TMTC1: variants seen among roughly 807,000 people sequenced by gnomAD.
The protein encoded by TMTC1 is protein O-mannosyl-transferase TMTC1.
TMTC1 carries 73 observed loss-of-function variants against 104.8 expected under a neutral mutation model. The ratio of observed to expected loss-of-function variants is 0.70; its 90% CI spans 0.58 to 0.85. The LOEUF (loss-of-function observed/expected upper bound fraction) is 0.85. Among genes scored for constraint, TMTC1 ranks in the 40% least tolerant of loss-of-function variants. The probability of loss-of-function intolerance (pLI) is 0.00; values close to 1 mark genes in which losing one functional copy is unlikely to be tolerated. For missense variants in TMTC1, 1,035 were observed against 1,096.1 expected (o/e 0.94, Z 0.79); for synonymous variants, 434 against 428.7 (o/e 1.01, Z -0.15).
In TMTC1 at chr12:29,516,403, A is replaced by G. The variant is rs148395647; in HGVS notation, c.2253T>C (p.Leu751=). 1.2e-5 allele frequency: 19 copies of G among 1,613,920 alleles called. No individual in the cohort carries two copies. The African/African-American group carries it at 2.1e-4, about 18-fold the overall frequency. Residue 751 remains leucine (L), a synonymous_variant, in exon 15 of 18, where the codon CTT becomes CTC. Transcript: ENST00000539277. ...NHIVSEETGC[L]ECYRLLSAIY... ...TGGCTGACAAGAGGCGATAGCATTC[A>G]AGGCATCCGGTCTCCTCTGACACAA...
In TMTC1 at chr12:29,572,200, CAG is replaced by C; in HGVS notation, c.1435_1436del (p.Leu479AlafsTer69). The C allele has an allele frequency of 6.2e-7, 1 of 1,613,810 alleles. No homozygotes were observed. Among genetic ancestry groups the C allele is most frequent in the Non-Finnish European group, 8.5e-7 (1 of 1,179,766 alleles). ...ESLFRSGVQTLPHNAKVHYNY... is the reference protein window; with the variant it reads ...ESLFRSGVQTXPHNAKVHYNY... ...TGTAGTGAACCTTGGCATTGTGGGG[CAG>C]AGTTTGAACTCCAGACCTAAAATGA... On this transcript the variant is annotated frameshift_variant, in exon 9 of 18. Transcript: ENST00000539277. LOFTEE classifies it high-confidence loss of function.
At chr12:29,607,171 T>C (rs1480090710) in intron 6 of TMTC1, among the ~76,000 whole-genome samples, 1 of 152,216 alleles carries the variant, frequency 6.6e-6, no homozygotes, top group South Asian at 2.1e-4. Context: ...ACAGTCTTTA[T>C]TTCCTTCATG....
chr12:29,643,472 ATGATGGAATATAAAAAATAT>A, intron 5 of TMTC1, among the ~76,000 whole-genome samples: 1 of 117,864 alleles, frequency 8.5e-6, no homozygotes, highest in African/African-American at 3.3e-5. Context: ...GAATATATAT[ATGATGGAATATAAAAAATAT>A]TATATATTAT....
chr12:29,767,761 T>C, intron 2 of TMTC1, 137 bp downstream of exon 2: 1 of 715,232 alleles, frequency 1.4e-6, no homozygotes, highest in Non-Finnish European at 2.1e-6. Context: ...TTAGTTTACA[T>C]GTATATATCT....
At chr12:29,634,311 A>C (rs1464673958) in intron 5 of TMTC1, among the ~76,000 whole-genome samples, 2 of 152,194 alleles carry the variant, frequency 1.3e-5, no homozygotes, top group African/African-American at 2.4e-5. Flanking sequence ...TTCCTATGGA[A>C]TGTAATCATC....
In TMTC1 at chr12:29,518,532, T is replaced by C. The variant is rs1426740401; in HGVS notation, c.1964A>G (p.Asn655Ser). ...LSPSHHVAMVNLGRLYRSLGE... is the reference protein window; with the variant it reads ...LSPSHHVAMVSLGRLYRSLGE... Reference sequence around the variant, plus strand: ...CAGTGACCTGTAGAGTCTTCCCAAGTTCACCATGGCCACGTGATGACTGGG... The same window carrying C: ...CAGTGACCTGTAGAGTCTTCCCAAGCTCACCATGGCCACGTGATGACTGGG... The change falls in exon 13 of 18, where the codon AAC becomes AGC. Residue 655 changes from asparagine (N) to serine (S), a missense_variant. Physicochemically the swap from Asn to Ser is conservative, Grantham distance 46. Transcript: ENST00000539277. 6.2e-7 allele frequency: 1 copy of C among 1,614,148 alleles called. No homozygotes were observed. The highest frequency in any genetic ancestry group is 1.7e-5 in the Admixed American group (1 of 60,020).
intron 12 of TMTC1, among the ~76,000 whole-genome samples, chr12:29,518,866 A>G (rs1334044788): frequency 6.6e-6 from 1 of 152,214 alleles, no homozygotes; most frequent in East Asian, 1.9e-4. Context: ...TTAATTATAT[A>G]TATTATTTTA....
At chr12:29,626,752 A>G (rs1476364507) in intron 6 of TMTC1, among the ~76,000 whole-genome samples, 1 of 152,200 alleles carries the variant, frequency 6.6e-6, no homozygotes, top group Admixed American at 6.5e-5. Flanking sequence ...TTTAGATTTG[A>G]CAATAAGAGC....
chr12:29,520,976 T>C (rs780009211), intron 11 of TMTC1: 1 of 412,674 alleles, frequency 2.4e-6, no homozygotes, highest in Non-Finnish European at 4.4e-6. Context: ...AATGGGACCT[T>C]TGGAAGGATA....
intron 2 of TMTC1, among the ~76,000 whole-genome samples, 197 bp downstream of exon 2, chr12:29,767,701 C>T (rs1443182393): frequency 1.8e-4 from 23 of 125,952 alleles, no homozygotes; most frequent in Non-Finnish European, 1.0e-4. Context: ...TAAACATAAA[C>T]ACTTTAATAG....
Position 29,693,272 on chromosome 12 carries a change from T to A in TMTC1, c.938+58394A>T, listed in dbSNP as rs530066335. ...ATAATAATTATACATATTTATGAGG[T>A]ACAGAGGGATATTTAAATACATACA... On this transcript the variant is annotated intron_variant, in intron 5 of 17. Coordinates refer to ENST00000539277, the MANE Select transcript of TMTC1 (RefSeq NM_001193451.2). Among the ~76,000 whole-genome samples the A allele has an allele frequency of 1.7e-3, 249 of 144,960 alleles. 31 individuals carry two copies. The highest frequency in any genetic ancestry group is 6.1e-3 in the African/African-American group (241 of 39,734).
chr12:29,526,678 G>A (rs770322080), intron 11 of TMTC1, among the ~76,000 whole-genome samples: 1 of 152,038 alleles, frequency 6.6e-6, no homozygotes, highest in Non-Finnish European at 1.5e-5. Context: ...TTGAAGATAC[G>A]CCATTCTAGG....
chr12:29,663,557 C>G (rs891741893), intron 5 of TMTC1, among the ~76,000 whole-genome samples: 2 of 151,884 alleles, frequency 1.3e-5, no homozygotes, highest in African/African-American at 4.8e-5. Context: ...ACTCTTGTCG[C>G]CCAGGCTAGA....
intron 5 of TMTC1, among the ~76,000 whole-genome samples, chr12:29,663,943 T>C (rs926087854): frequency 2.6e-5 from 4 of 152,140 alleles, no homozygotes; most frequent in East Asian, 1.9e-4. Context: ...CCAAATAATT[T>C]ATTGTTAAAA....
intron 5 of TMTC1, among the ~76,000 whole-genome samples, chr12:29,724,131 C>T (rs1293628623): frequency 6.6e-6 from 1 of 151,984 alleles, no homozygotes; most frequent in East Asian, 1.9e-4. Context: ...CCCAAGTGGC[C>T]AATAATAATC....
Position 29,750,062 on chromosome 12 carries a change from T to TACACACACACACACAC in TMTC1, c.938+1588_938+1603dup, listed in dbSNP as rs34859060. On this transcript the variant is annotated intron_variant, in intron 5 of 17. Coordinates refer to ENST00000539277, the MANE Select transcript of TMTC1 (RefSeq NM_001193451.2). ...AAAGAAATGTTATCATAACTGTCTA[T>TACACACACACACACAC]ACACACACACACACACACACACACA... is the stretch of plus-strand genomic sequence containing the variant. Among the ~76,000 whole-genome samples, 11 of 146,648 alleles carry TACACACACACACACAC rather than the reference T, an allele frequency of 7.5e-5. No homozygotes were observed. The South Asian group carries it at 1.1e-3, about 15-fold the overall frequency.
chr12:29,746,739 G>GT (rs964997375), intron 5 of TMTC1, among the ~76,000 whole-genome samples: 4 of 151,992 alleles, frequency 2.6e-5, no homozygotes, highest in African/African-American at 4.8e-5. Context: ...ACTTGTTTTA[G>GT]TTTTTTTATT....
rs1409876568 is a variant in TMTC1, at chr12:29,768,057, A to G, written c.321T>C (p.Thr107=). 6.3e-6 allele frequency: 10 copies of G among 1,599,458 alleles called. No homozygotes were observed. The highest frequency in any genetic ancestry group is 8.5e-6 in the Non-Finnish European group (10 of 1,173,470). Residue 107 remains threonine (T), a synonymous_variant, in exon 2 of 18, where the codon ACT becomes ACC. Transcript: ENST00000539277. ...VLTFKLNIFL[T]GMNPFYFHAV... ...CATGAAAGTAGAATGGGTTCATACCAGTCAAAAATATGTTTAGCCTGTAAA... is the reference window on the plus strand; with the variant it reads ...CATGAAAGTAGAATGGGTTCATACCGGTCAAAAATATGTTTAGCCTGTAAA...
At chr12:29,660,941 C>T (rs1939993456) in intron 5 of TMTC1, 2 of 1,097,644 alleles carry the variant, frequency 1.8e-6, no homozygotes, top group Non-Finnish European at 2.5e-6. Context: ...ACACAATGTT[C>T]TCCTTTCAAG....
Sources: gnomAD v4.1 joint callset for allele counts (sites outside exome capture counted in the v4.1 genomes callset) on GRCh38, gnomAD v4.1.1 for gene constraint, MANE v1.5 for transcripts, NCBI Gene and HGNC (gene_info 2026-07-23, HGNC 2026-07-21) for gene names.